The following ANK3 variants were observed in gnomAD, a reference collection of about 807,000 sequenced individuals.
The protein encoded by ANK3 is ankyrin-3.
A neutral mutation model predicts 370.9 loss-of-function variants in ANK3; 57 were observed. The observed-to-expected ratio is 0.15, with a 90% confidence interval of 0.12 to 0.19. The LOEUF (loss-of-function observed/expected upper bound fraction) is 0.19. Ranked by LOEUF, ANK3 falls within the 10% of genes least tolerant of loss-of-function variation. The pLI, the probability that ANK3 is intolerant of heterozygous loss-of-function variation, is 1.00. For missense variants in ANK3, 4,439 were observed against 5,302.1 expected (o/e 0.84, Z 5.06); for synonymous variants, 1,929 against 1,946.3 (o/e 0.99, Z 0.23).
At chr10:60,035,548 C>T (rs1371188902) in intron 43 of ANK3, among the ~76,000 whole-genome samples, 2 of 151,434 alleles carry the variant, frequency 1.3e-5, no homozygotes, top group South Asian at 2.1e-4. Context: ...CCACTGCGCC[C>T]GGCCAAAAAG....
chr10:60,627,539 T>C (rs977996427), intron 1 of ANK3, among the ~76,000 whole-genome samples: 2 of 152,148 alleles, frequency 1.3e-5, no homozygotes, highest in African/African-American at 4.8e-5. Context: ...GGAATCTTGG[T>C]ATACAGTATA....
chr10:60,283,110 C>T (rs988329684), intron 1 of ANK3, among the ~76,000 whole-genome samples: 1 of 152,164 alleles, frequency 6.6e-6, no homozygotes, highest in Admixed American at 6.5e-5. Context: ...CATTTCACAG[C>T]TTCTTACTCT....
chr10:60,621,516 A>G (rs767749677), intron 1 of ANK3, among the ~76,000 whole-genome samples: 4 of 152,210 alleles, frequency 2.6e-5, no homozygotes, highest in African/African-American at 9.6e-5. Flanking sequence ...TCACTATCAC[A>G]TCAACATTCC....
intron 35 of ANK3, among the ~76,000 whole-genome samples, chr10:60,081,047 C>T (rs1015067299): frequency 8.0e-5 from 12 of 150,638 alleles, no homozygotes; most frequent in Non-Finnish European, 1.6e-4. Context: ...AGATTGAAAA[C>T]AGATGAATGG....
chr10:60,059,839 C>T, intron 40 of ANK3: 1 of 1,614,232 alleles, frequency 6.2e-7, no homozygotes, highest in Non-Finnish European at 8.5e-7. Context: ...GCGGAATGCT[C>T]TATGTTCCCC....
At chr10:60,265,495 A>G (rs2097862685) in intron 5 of ANK3, among the ~76,000 whole-genome samples, 1 of 152,194 alleles carries the variant, frequency 6.6e-6, no homozygotes, top group African/African-American at 2.4e-5. Context: ...AAAAAACAGC[A>G]CAGGGTAGAA....
chr10:60,106,027 G>T lies in ANK3; in HGVS notation c.3206C>A (p.Ser1069Tyr). The change falls in exon 28 of 44, where the codon TCC (serine) becomes TAC (tyrosine). Residue 1069 changes from serine to tyrosine, a missense_variant. Physicochemically the swap from Ser to Tyr is moderately radical, Grantham distance 144 (BLOSUM62 -2). This residue lies in a region of ANK3 where 702 missense variants were observed against 941.5 expected (regional missense o/e 0.75). Transcript: ENST00000280772. Reference protein sequence around the residue: ...PVIVEIPHFGSMRGKERELIV... With the variant: ...PVIVEIPHFGYMRGKERELIV... ...GAGTTCTCTCTCTTTTCCTCTCATGGACCCAAAGTGAGGGATTTCCACTAT... is the reference window on the plus strand; with the variant it reads ...GAGTTCTCTCTCTTTTCCTCTCATGTACCCAAAGTGAGGGATTTCCACTAT... 4.3e-6 allele frequency: 7 copies of T among 1,609,832 alleles called. No individual in the cohort carries two copies. Among genetic ancestry groups the T allele is most frequent in the Non-Finnish European group, 5.9e-6 (7 of 1,178,532 alleles).
At chr10:60,710,885 C>G (rs147134459) in intron 1 of ANK3, among the ~76,000 whole-genome samples, 4 of 152,210 alleles carry the variant, frequency 2.6e-5, no homozygotes, top group African/African-American at 9.6e-5. Flanking sequence ...TCTGGCTCAA[C>G]TAGTCTGGCA....
upstream of ANK3, among the ~76,000 whole-genome samples, chr10:60,391,734 T>C (rs897533354): frequency 2.6e-5 from 4 of 152,212 alleles, no homozygotes; most frequent in Non-Finnish European, 2.9e-5. Flanking sequence ...ACTTTCTCAT[T>C]GATTTCTATC....
intron 7 of ANK3, among the ~76,000 whole-genome samples, chr10:60,235,302 C>T (rs1247358642): frequency 6.6e-6 from 1 of 152,170 alleles, no homozygotes; most frequent in Non-Finnish European, 1.5e-5. Flanking sequence ...ACATCCCATG[C>T]CCGTGGTGCT....
chr10:60,111,229 G>GA (rs929445693), intron 26 of ANK3, among the ~76,000 whole-genome samples: 1 of 152,050 alleles, frequency 6.6e-6, no homozygotes, highest in African/African-American at 2.4e-5. Flanking sequence ...AGAACCAATG[G>GA]AAAAAACACT....
chr10:60,065,610 G>A (rs1378260279), intron 38 of ANK3, among the ~76,000 whole-genome samples: 4 of 152,132 alleles, frequency 2.6e-5, no homozygotes, highest in Non-Finnish European at 4.4e-5. Flanking sequence ...TCTGCATGTT[G>A]AACAAAAGGA....
intron 2 of ANK3, among the ~76,000 whole-genome samples, chr10:60,557,742 C>G (rs913468140): frequency 2.0e-5 from 3 of 152,056 alleles, no homozygotes; most frequent in African/African-American, 7.2e-5. Flanking sequence ...AAGCAATTGA[C>G]AAAATGCCCC....
chr10:60,059,320 T>A lies in ANK3; in HGVS notation c.12686+20A>T, dbSNP rs560183638. ...AACAAGTAACCTGTGTTCACTTTCC[T>A]TTTTTTGAAACAGCCATACCTGTCA... On this transcript the variant is annotated intron_variant, in intron 41 of 43. Transcript: ENST00000280772. The A allele has an allele frequency of 6.2e-7, 1 of 1,601,198 alleles. No individual in the cohort carries two copies. The highest frequency in any genetic ancestry group is 1.1e-5 in the South Asian group (1 of 90,716).
intron 38 of ANK3, among the ~76,000 whole-genome samples, chr10:60,067,196 A>G (rs1376125947): frequency 2.0e-5 from 3 of 152,196 alleles, no homozygotes; most frequent in African/African-American, 4.8e-5. Context: ...TACAGGCATG[A>G]ATTTTATAGA....
intron 2 of ANK3, among the ~76,000 whole-genome samples, chr10:60,409,577 G>A (rs1165266724): frequency 2.6e-5 from 4 of 152,064 alleles, no homozygotes; most frequent in Admixed American, 2.0e-4. Flanking sequence ...AAAGGAGTCG[G>A]GCTCCTTCTG....
intron 16 of ANK3, among the ~76,000 whole-genome samples, chr10:60,188,176 T>C (rs1469691385): frequency 6.6e-6 from 1 of 152,234 alleles, no homozygotes; most frequent in Non-Finnish European, 1.5e-5. Context: ...TCAAGAGTAC[T>C]AGAGCTTTCA....
intron 41 of ANK3, among the ~76,000 whole-genome samples, chr10:60,056,266 C>T (rs1358222323): frequency 4.0e-5 from 6 of 151,892 alleles, no homozygotes; most frequent in African/African-American, 9.7e-5. Flanking sequence ...GTCAGGAGTT[C>T]GAGACCAGCC....
chr10:60,500,900 T>A (rs1043901309), intron 2 of ANK3, among the ~76,000 whole-genome samples: 1 of 152,206 alleles, frequency 6.6e-6, no homozygotes, highest in Non-Finnish European at 1.5e-5. Flanking sequence ...TATTTGATTG[T>A]GGTAATTATA....
Sources: allele counts gnomAD v4.1 joint callset (sites outside exome capture counted in the v4.1 genomes callset), GRCh38; gene constraint gnomAD v4.1.1; regional missense constraint gnomAD v4.1.1; transcripts MANE v1.5; gene names NCBI Gene and HGNC (gene_info 2026-07-23, HGNC 2026-07-21).